SYNPR: variants seen among roughly 807,000 people sequenced by gnomAD.
The protein encoded by SYNPR is synaptoporin.
SYNPR carries 23 observed loss-of-function variants against 32.9 expected under a neutral mutation model. The ratio of observed to expected loss-of-function variants is 0.70; its 90% CI spans 0.50 to 0.99. The LOEUF (loss-of-function observed/expected upper bound fraction) is 0.99, where lower values mean the gene tolerates loss of function less well. Ranked by LOEUF, SYNPR falls within the 50% of genes least tolerant of loss-of-function variation. The pLI is 0.00. For missense variants in SYNPR, 318 were observed against 349.3 expected, an observed-to-expected ratio of 0.91 and a Z score of 0.71; for synonymous variants, 146 against 135.9, an observed-to-expected ratio of 1.07 and a Z score of -0.52.
At chr3:63,408,197 G>A (rs199706195) in intron 2 of SYNPR, among the ~76,000 whole-genome samples, 5 of 29,584 alleles carry the variant, frequency 1.7e-4, no homozygotes, top group Admixed American at 3.6e-4. Flanking sequence ...AAAGAAAGAG[G>A]AAGGAAGGAA....
chr3:63,293,708 T>C (rs200378821), intron 2 of SYNPR, among the ~76,000 whole-genome samples: 2 of 152,204 alleles, frequency 1.3e-5, no homozygotes, highest in East Asian at 3.8e-4. Context: ...TCTGGAAGTT[T>C]GCTGGCAATA....
chr3:63,303,902 T>C (rs969041726), intron 2 of SYNPR, among the ~76,000 whole-genome samples: 4 of 151,996 alleles, frequency 2.6e-5, no homozygotes, highest in Non-Finnish European at 5.9e-5. Flanking sequence ...TCTACCAAGA[T>C]AATGTAGTTA....
At chr3:63,488,952 T>C (rs952001833) in intron 3 of SYNPR, among the ~76,000 whole-genome samples, 1 of 152,140 alleles carries the variant, frequency 6.6e-6, no homozygotes, top group Non-Finnish European at 1.5e-5. Context: ...ATCTGTATAA[T>C]TGCAAGATTG....
intron 4 of SYNPR, among the ~76,000 whole-genome samples, chr3:63,567,998 T>C (rs1314459014): frequency 6.6e-6 from 1 of 152,218 alleles, no homozygotes; most frequent in Non-Finnish European, 1.5e-5. Context: ...AATTGGCTAG[T>C]TACCATTATG....
intron 2 of SYNPR, among the ~76,000 whole-genome samples, chr3:63,439,299 C>T (rs1700130673): frequency 6.6e-6 from 1 of 152,166 alleles, no homozygotes; most frequent in Admixed American, 6.5e-5. Flanking sequence ...ACTTAGAAAA[C>T]ATTGTACTTC....
chr3:63,408,324 G>T lies in SYNPR; in HGVS notation c.85-72508G>T, dbSNP rs1261200162. 1.0e-4 allele frequency among the ~76,000 whole-genome samples: 11 copies of T among 109,806 alleles called. No homozygotes were observed. In the East Asian group the frequency reaches 2.8e-3, roughly 28 times the overall value. 72.0% of individuals were successfully genotyped at this position (109,806 alleles called of 152,430 possible). On this transcript the variant is annotated intron_variant, in intron 2 of 5. Coordinates refer to ENST00000478300, the MANE Select transcript of SYNPR (RefSeq NM_001130003.2). ...GGAAGGAAGGAAGGAAGGAAGGAAAGAAAGAAAGAAAGAAAGAAAGAAAGA... is the reference window on the plus strand; with the variant it reads ...GGAAGGAAGGAAGGAAGGAAGGAAATAAAGAAAGAAAGAAAGAAAGAAAGA...
At chr3:63,291,857 A>G (rs753745145) in intron 2 of SYNPR, among the ~76,000 whole-genome samples, 4 of 151,970 alleles carry the variant, frequency 2.6e-5, no homozygotes, top group African/African-American at 7.2e-5. Flanking sequence ...TCTCATGTGC[A>G]TATATAAATA....
At chr3:63,254,183 G>T (rs190341794) in intron 2 of SYNPR, among the ~76,000 whole-genome samples, 1 of 152,108 alleles carries the variant, frequency 6.6e-6, no homozygotes, top group Admixed American at 6.5e-5. Flanking sequence ...TGGGGGGAGA[G>T]GGAAGGGATA....
chr3:63,608,830 T>G (rs1700158754), intron 4 of SYNPR, among the ~76,000 whole-genome samples: 1 of 152,204 alleles, frequency 6.6e-6, no homozygotes, highest in Non-Finnish European at 1.5e-5. Context: ...GATGTACCAT[T>G]CCTTACAGGG....
chr3:63,314,099 C>CCATATATATATATATCCATATATAT (rs1560189224), intron 2 of SYNPR, among the ~76,000 whole-genome samples: 2 of 111,248 alleles, frequency 1.8e-5, no homozygotes, highest in East Asian at 2.6e-4. Context: ...ATATATATAT[C>CCATATATATATATATCCATATATAT]ACAGTTTCTT....
At chr3:63,482,532 C>T (rs1003118744) in intron 3 of SYNPR, among the ~76,000 whole-genome samples, 1 of 152,084 alleles carries the variant, frequency 6.6e-6, no homozygotes, top group African/African-American at 2.4e-5. Flanking sequence ...CCGTACAGCC[C>T]CTGTAAGATC....
At chr3:63,402,958 G>A (rs1165214981) in intron 2 of SYNPR, among the ~76,000 whole-genome samples, 3 of 152,166 alleles carry the variant, frequency 2.0e-5, no homozygotes, top group African/African-American at 7.2e-5. Context: ...GAACACTAAG[G>A]AAGCCTTTCT....
At chr3:63,489,934 T>C (rs1333644170) in intron 3 of SYNPR, among the ~76,000 whole-genome samples, 2 of 151,928 alleles carry the variant, frequency 1.3e-5, no homozygotes, top group African/African-American at 4.8e-5. Context: ...AAAGAGAGGC[T>C]CCTAAGTGGA....
intron 2 of SYNPR, among the ~76,000 whole-genome samples, chr3:63,357,951 G>A (rs2087604905): frequency 6.6e-6 from 1 of 152,148 alleles, no homozygotes. Context: ...GTAGGAAAAA[G>A]TTGTACTAAA....
At chr3:63,517,422 CATT>C (rs1270173778) in intron 3 of SYNPR, among the ~76,000 whole-genome samples, 2 of 152,028 alleles carry the variant, frequency 1.3e-5, no homozygotes, top group East Asian at 3.9e-4. Flanking sequence ...AGAACAGTAT[CATT>C]AAGTGAATTT....
At chr3:63,494,460 C>CGTGTAT (rs1559516410) in intron 3 of SYNPR, among the ~76,000 whole-genome samples, 3 of 77,280 alleles carry the variant, frequency 3.9e-5, no homozygotes, top group East Asian at 8.3e-4. Context: ...CATATATATA[C>CGTGTAT]ATATATACAC....
At chr3:63,586,443 G>C (rs1382280294) in intron 4 of SYNPR, among the ~76,000 whole-genome samples, 1 of 151,576 alleles carries the variant, frequency 6.6e-6, no homozygotes, top group Non-Finnish European at 1.5e-5. Context: ...GTCATACCAG[G>C]GAAAGCCCAT....
intron 2 of SYNPR, among the ~76,000 whole-genome samples, chr3:63,396,059 T>C (rs1034472438): frequency 2.6e-5 from 4 of 152,122 alleles, no homozygotes; most frequent in African/African-American, 9.7e-5. Flanking sequence ...ACAACCAACA[T>C]CCATGGTTGA....
chr3:63,509,803 G>A (rs558727965), intron 3 of SYNPR, among the ~76,000 whole-genome samples: 2 of 152,196 alleles, frequency 1.3e-5, no homozygotes, highest in African/African-American at 4.8e-5. Flanking sequence ...ATGGTATCTT[G>A]AAATCATCTT....
Sources: gnomAD v4.1 joint callset for allele counts (sites outside exome capture counted in the v4.1 genomes callset) on GRCh38, gnomAD v4.1.1 for gene constraint, MANE v1.5 for transcripts, NCBI Gene and HGNC (gene_info 2026-07-23, HGNC 2026-07-21) for gene names.